The following TTN variants were observed in gnomAD, a reference collection of about 807,000 sequenced individuals.
The protein encoded by TTN is connectin.
Under a neutral mutation model 3,223.0 loss-of-function variants are expected in TTN, and 1,525 were observed. The ratio of observed to expected loss-of-function variants is 0.47; its 90% CI spans 0.45 to 0.49. The LOEUF is 0.49. Ranked by LOEUF, TTN falls within the 20% of genes least tolerant of loss-of-function variation. The pLI is 0.00. For missense variants in TTN, 40,786 were observed against 43,424.0 expected (o/e 0.94, Z 5.40); for synonymous variants, 14,094 against 15,161.0 (o/e 0.93, Z 5.17).
chr2:178,528,737 C>T lies in TTN; in HGVS notation c.107014G>A (p.Glu35672Lys). ...TTGCTTATGCAGGTGAGGATTCCTT[C>T]ATCTCTGTGACTGGCTTGCTTGATG... ...LTIKQASHRD[E>K]GILTCISKTK... The change falls in exon 360 of 363, where the codon GAA (glutamate) becomes AAA (lysine). Residue 35672 changes from glutamate to lysine, a missense_variant. Physicochemically the swap from Glu to Lys is moderately conservative, Grantham distance 56. Transcript: ENST00000589042. The T allele has an allele frequency of 6.2e-7, 1 of 1,613,290 alleles. No homozygotes were observed. Among genetic ancestry groups the T allele is most frequent in the African/African-American group, 1.3e-5 (1 of 75,034 alleles).
chr2:178,612,833 T>C lies in TTN; in HGVS notation c.49888A>G (p.Lys16630Glu), dbSNP rs374031591. 1 of 1,612,520 alleles carries C rather than the reference T, an allele frequency of 6.2e-7. No homozygotes were observed. Among genetic ancestry groups the C allele is most frequent in the African/African-American group, 1.3e-5 (1 of 74,950 alleles). ...EYSFRVRAVN[K>E]AGESEPSEPS... ...TCACTGGGTTCACTTTCCCCAGCCT[T>C]ATTCACAGCTCTAACTCGGAATGAG... is the stretch of plus-strand genomic sequence containing the variant. The change falls in exon 265 of 363, where the codon AAG becomes GAG. Residue 16630 changes from lysine to glutamate, a missense_variant. Coordinates refer to ENST00000589042, the MANE Select transcript of TTN (RefSeq NM_001267550.2).
rs777244038 is a variant in TTN, at chr2:178,773,945, T to C, written c.7223A>G (p.Gln2408Arg). 3.1e-5 allele frequency: 50 copies of C among 1,613,954 alleles called. 2 individuals are homozygous for C. In the South Asian group the frequency reaches 5.5e-4, roughly 18 times the overall value. The change falls in exon 31 of 363, where the codon CAA becomes CGA. Residue 2408 changes from glutamine to arginine, a missense_variant. By Grantham distance (43) the Gln-to-Arg change is conservative. Transcript: ENST00000589042. ...SDRVHIVIDK[Q>R]SHMLLIEDMT... is the part of the protein sequence containing the mutation. ...GTCTTCAATGAGCAGCATATGAGAT[T>C]GTTTGTCTATCACAATGTGAACCCT...
rs1690678952 is a variant in TTN at position 178,534,736 on chromosome 2, A to G, written c.101879T>C (p.Phe33960Ser). 2 of 1,613,744 alleles carry G rather than the reference A, an allele frequency of 1.2e-6. No individual in the cohort carries two copies. Among genetic ancestry groups the G allele is most frequent in the Non-Finnish European group, 1.7e-6 (2 of 1,179,806 alleles). The change falls in exon 358 of 363, where the codon TTT becomes TCT. Residue 33960 changes from phenylalanine (F) to serine (S), a missense_variant. By Grantham distance (155) the Phe-to-Ser change is radical. Coordinates refer to ENST00000589042, the MANE Select transcript of TTN (RefSeq NM_001267550.2). ...TGGTTTCAGCTGACGGGCTTGACCAAATTCTATGATTTTAATGGTAGAGCT... is the reference window on the plus strand; with the variant it reads ...TGGTTTCAGCTGACGGGCTTGACCAGATTCTATGATTTTAATGGTAGAGCT... The part of the protein sequence containing the change: ...RRSSTIKIIE[F>S]GQARQLKPGD...
rs757007819 is a variant in TTN, at chr2:178,558,115, CT to C, written c.87238del (p.Arg29080GlufsTer10). On this transcript the variant is annotated frameshift_variant, in exon 328 of 363. Transcript: ENST00000589042. LOFTEE classifies it high-confidence loss of function. The part of the protein sequence containing the change: ...GKPLPKVTLS[R>X]DGVPLKATMR... ...GGTTGCCTTAAGGGGGACACCATCT[CT>C]TGATAAGGTCACTTTGGGAAGTGGT... 1 of 1,613,756 alleles carries C rather than the reference CT, an allele frequency of 6.2e-7. No individual in the cohort carries two copies. Among genetic ancestry groups the C allele is most frequent in the Non-Finnish European group, 8.5e-7 (1 of 1,179,844 alleles).
chr2:178,687,773 A>T (rs1174218841), intron 127 of TTN, among the ~76,000 whole-genome samples: 1 of 152,230 alleles, frequency 6.6e-6, no homozygotes, highest in Non-Finnish European at 1.5e-5. Flanking sequence ...GGTAAAGCTT[A>T]TGCCAGCCCA....
At position 178,556,839 on chromosome 2, in the gene TTN, C is replaced by A. The variant is rs1440379223; in HGVS notation, c.88306+9G>T. On this transcript the variant is annotated intron_variant, in intron 330 of 362. Transcript: ENST00000589042. ...AGCAATTTTGATTCAAAGTGCTAAG[C>A]ATGCTTACCATAAGAATCGATGCAA... The A allele has an allele frequency of 6.2e-7, 1 of 1,612,756 alleles. No individual in the cohort carries two copies. Among genetic ancestry groups the A allele is most frequent in the South Asian group, 1.1e-5 (1 of 91,036 alleles).
rs199929362 is a variant in TTN, at chr2:178,563,322, C to G, written c.82810G>C (p.Gly27604Arg). ...PIYDGGAPVKGYVVEVKEAAA... is the reference protein window; with the variant it reads ...PIYDGGAPVKRYVVEVKEAAA... Reference sequence around the variant, plus strand: ...GCTTCTTTGACCTCTACAACATAGCCTTTAACAGGTGCGCCACCATCATAA... The same window carrying G: ...GCTTCTTTGACCTCTACAACATAGCGTTTAACAGGTGCGCCACCATCATAA... The change falls in exon 326 of 363, where the codon GGC becomes CGC. Residue 27604 changes from glycine (G) to arginine (R), a missense_variant. By Grantham distance (125) the Gly-to-Arg change is moderately radical. Coordinates refer to ENST00000589042, the MANE Select transcript of TTN (RefSeq NM_001267550.2). The surrounding 1 kb of genome is among the most constrained non-coding windows in gnomAD (Gnocchi z 4.5). 5 of 1,613,500 alleles carry G rather than the reference C, an allele frequency of 3.1e-6. No individual in the cohort carries two copies. Among genetic ancestry groups the G allele is most frequent in the Non-Finnish European group, 4.2e-6 (5 of 1,179,722 alleles).
chr2:178,665,887 T>TTTACTCC, intron 163 of TTN, 96 bp from the exon 164 acceptor site: 1 of 520,614 alleles, frequency 1.9e-6, no homozygotes, highest in Non-Finnish European at 3.0e-6. Context: ...GATGGGAACC[T>TTTACTCC]TCTCCCACTC....
Position 178,607,082 on chromosome 2 carries a change from C to A in TTN, c.53520G>T (p.Lys17840Asn), listed in dbSNP as rs769761717. Residue 17840 changes from lysine (K) to asparagine (N), a missense_variant, in exon 278 of 363, where the codon AAG (lysine) becomes AAT (asparagine). Coordinates refer to ENST00000589042, the MANE Select transcript of TTN (RefSeq NM_001267550.2). ...CAGGAGGGCCACAGCCAAACTTGTTCTTGGCAATAACACGGAACTTATATT... is the reference window on the plus strand; with the variant it reads ...CAGGAGGGCCACAGCCAAACTTGTTATTGGCAATAACACGGAACTTATATT... ...GQEYKFRVIAKNKFGCGPPVE... is the reference protein window; with the variant it reads ...GQEYKFRVIANNKFGCGPPVE... 1 of 1,612,244 alleles carries A rather than the reference C, an allele frequency of 6.2e-7. No individual in the cohort carries two copies. The highest frequency in any genetic ancestry group is 8.5e-7 in the Non-Finnish European group (1 of 1,179,086).
At position 178,587,599 on chromosome 2, in the gene TTN, G is replaced by A; in HGVS notation, c.63710C>T (p.Thr21237Ile). The A allele has an allele frequency of 6.2e-7, 1 of 1,612,566 alleles. No homozygotes were observed. Among genetic ancestry groups the A allele is most frequent in the Non-Finnish European group, 8.5e-7 (1 of 1,179,340 alleles). ...TMAFLVIPNS[T>I]RDDSGKYSLT... Reference sequence around the variant, plus strand: ...GGAATATTTTCCTGAGTCATCACGGGTAGAATTGGGGATGACAAGGAAGGC... The same window carrying A: ...GGAATATTTTCCTGAGTCATCACGGATAGAATTGGGGATGACAAGGAAGGC... The change falls in exon 306 of 363, where the codon ACC (threonine) becomes ATC (isoleucine). Residue 21237 changes from threonine (T) to isoleucine (I), a missense_variant. Physicochemically the swap from Thr to Ile is moderately conservative, Grantham distance 89. Coordinates refer to ENST00000589042, the MANE Select transcript of TTN (RefSeq NM_001267550.2).
At position 178,592,062 on chromosome 2, in the gene TTN, G is replaced by A; in HGVS notation, c.59842C>T (p.Leu19948Phe). 1 of 1,613,108 alleles carries A rather than the reference G, an allele frequency of 6.2e-7. No homozygotes were observed. The highest frequency in any genetic ancestry group is 8.5e-7 in the Non-Finnish European group (1 of 1,179,528). The change falls in exon 302 of 363, where the codon CTC becomes TTC. Residue 19948 changes from leucine to phenylalanine, a missense_variant. Transcript: ENST00000589042. ...TGGTTCTCCGCAGCTACTCGGAAGA[G>A]GTACTGGTTGCCTTCATTCAGATGC... ...AKHLNEGNQY[L>F]FRVAAENQYG...
rs878872282 is a variant in TTN at position 178,741,812 on chromosome 2, G to A, written c.11421C>T (p.Tyr3807=). 6.2e-7 allele frequency: 1 copy of A among 1,612,752 alleles called. No homozygotes were observed. Among genetic ancestry groups the A allele is most frequent in the Non-Finnish European group, 8.5e-7 (1 of 1,179,378 alleles). ...TLELLSESPV[Y]PTKFDSEKEG... ...CCTTTTCGGAATCAAATTTAGTTGG[G>A]TAAACTGGAGATTCAGACAAAAGTT... The change falls in exon 48 of 363, where the codon TAC becomes TAT. Residue 3807 remains tyrosine, a synonymous_variant. Transcript: ENST00000589042.
intron 354 of TTN, 70 bp from the exon 355 acceptor site, chr2:178,537,987 C>A: frequency 7.5e-7 from 1 of 1,339,862 alleles, no homozygotes; most frequent in Non-Finnish European, 1.0e-6. Context: ...CCTTGTATAT[C>A]AGGAATGAAT....
chr2:178,693,566 A>T (rs1021656790), intron 119 of TTN, 43 bp downstream of exon 119: 1 of 1,381,020 alleles, frequency 7.2e-7, no homozygotes, highest in Admixed American at 2.2e-5. Flanking sequence ...ATTTGTACTA[A>T]TTTTTATTAA....
At chr2:178,744,681 AT>A (rs2083136172) in intron 47 of TTN, 2 of 973,306 alleles carry the variant, frequency 2.1e-6, no homozygotes, top group Non-Finnish European at 2.4e-6. Context: ...AATTCTAAAA[AT>A]ATCCCACCTT....
chr2:178,677,266 G>GAGAA lies in TTN; in HGVS notation c.34312_34313insTTCT (p.Pro11438LeufsTer14), dbSNP rs1377884049. On this transcript the variant is annotated frameshift_variant, in exon 147 of 363. Transcript: ENST00000589042. LOFTEE classifies it high-confidence loss of function. ...AACAGGGACTTTCTTCTCTGGTACA[G>GAGAA]GTTTCTTTGGCACTTCAGGCACTTA... 8 of 1,209,674 alleles carry GAGAA rather than the reference G, an allele frequency of 6.6e-6. No homozygotes were observed. In the African/African-American group the frequency reaches 1.2e-4, roughly 17 times the overall value. The allele number at this position is 1,209,674 out of a possible 1,614,324, so 74.9% of individuals were successfully genotyped here.
rs779865348 is a variant in TTN, at chr2:178,543,821, G to T, written c.96310+13C>A. On this transcript the variant is annotated intron_variant, in intron 346 of 362. Transcript: ENST00000589042. ...CTACTCATTGTATAGCCAATTTTAA[G>T]TAAAATGCTTACCATAGACTTTAAC... 1 of 1,612,134 alleles carries T rather than the reference G, an allele frequency of 6.2e-7. No homozygotes were observed. The highest frequency in any genetic ancestry group is 8.5e-7 in the Non-Finnish European group (1 of 1,178,634).
At position 178,652,140 on chromosome 2, in the gene TTN, A is replaced by C. The variant is rs765580380; in HGVS notation, c.39251T>G (p.Val13084Gly). The C allele has an allele frequency of 6.2e-7, 1 of 1,612,116 alleles. No homozygotes were observed. The highest frequency in any genetic ancestry group is 1.7e-5 in the Admixed American group (1 of 59,942). The change falls in exon 204 of 363, where the codon GTG becomes GGG. Residue 13084 changes from valine (V) to glycine (G), a missense_variant. By Grantham distance (109) the Val-to-Gly change is moderately radical. Transcript: ENST00000589042. ...VPKVAVPEKK[V>G]PEAIPPKPES... ...CGGTTTGGGAGGAATAGCTTCAGGCACCTTCTTTTCTGGGACAGCTACCTT... is the reference window on the plus strand; with the variant it reads ...CGGTTTGGGAGGAATAGCTTCAGGCCCCTTCTTTTCTGGGACAGCTACCTT...
Position 178,790,785 on chromosome 2 carries a change from T to C in TTN, c.1723A>G (p.Thr575Ala), listed in dbSNP as rs538213572. The change falls in exon 11 of 363, where the codon ACA becomes GCA. Residue 575 changes from threonine to alanine, a missense_variant. By Grantham distance (58) the Thr-to-Ala change is moderately conservative. Transcript: ENST00000589042. ...SMVVVATAKS[T>A]KLETVPGAQE... ...GCTCCCGGGACTGTTTCTAGTTTTG[T>C]GGACTTTGCAGTGGCAACTACCACC... 3 of 1,614,176 alleles carry C rather than the reference T, an allele frequency of 1.9e-6. No individual in the cohort carries two copies. The highest frequency in any genetic ancestry group is 2.2e-5 in the South Asian group (2 of 91,082).
Sources: gnomAD v4.1 joint callset for allele counts (sites outside exome capture counted in the v4.1 genomes callset) on GRCh38, gnomAD v4.1.1 for gene constraint, Gnocchi (gnomAD v3.1) non-coding constraint, MANE v1.5 for transcripts, NCBI Gene and HGNC (gene_info 2026-07-23, HGNC 2026-07-21) for gene names.